ZSWIM6: variants seen among roughly 807,000 people sequenced by gnomAD.
ZSWIM6 encodes the protein zinc finger SWIM-type containing 6, also known as zinc finger SWIM domain-containing protein 6.
ZSWIM6 carries 9 observed loss-of-function variants against 113.2 expected under a neutral mutation model. That is an observed-to-expected ratio of 0.08 (90% CI 0.05 to 0.14). The LOEUF is 0.14. Ranked by LOEUF, ZSWIM6 falls within the 10% of genes least tolerant of loss-of-function variation. ZSWIM6 has a pLI of 1.00. For synonymous variants in ZSWIM6, 611 were observed against 606.5 expected (o/e 1.01, Z -0.11); for missense variants, 1,162 against 1,552.2 (o/e 0.75, Z 4.22).
intron 1 of ZSWIM6, among the ~76,000 whole-genome samples, chr5:61,412,681 T>C (rs939999774): frequency 1.2e-4 from 18 of 152,230 alleles, no homozygotes; most frequent in African/African-American, 4.1e-4. Context: ...TTAATCTCTG[T>C]ATTGGTTCCT....
intron 4 of ZSWIM6, among the ~76,000 whole-genome samples, chr5:61,509,081 G>A (rs534502746): frequency 7.0e-4 from 106 of 152,190 alleles, no homozygotes; most frequent in African/African-American, 2.5e-3. Flanking sequence ...ATATGATGAT[G>A]TGTAAGACTG....
At chr5:61,378,809 G>A (rs924966696) in intron 1 of ZSWIM6, among the ~76,000 whole-genome samples, 2 of 152,080 alleles carry the variant, frequency 1.3e-5, no homozygotes, top group Non-Finnish European at 2.9e-5. Context: ...GCCCACCTCG[G>A]CCTCCCAAAC....
intron 1 of ZSWIM6, chr5:61,390,820 GCA>G: frequency 1.3e-6 from 1 of 798,900 alleles, no homozygotes; most frequent in Admixed American, 1.7e-5. Flanking sequence ...CGTTTGGTTG[GCA>G]CTGGCAAGGA....
chr5:61,423,019 T>C (rs1746385639), intron 1 of ZSWIM6, among the ~76,000 whole-genome samples: 1 of 152,206 alleles, frequency 6.6e-6, no homozygotes. Context: ...CTTCTTCCTT[T>C]CCACTTTGGA....
intron 1 of ZSWIM6, among the ~76,000 whole-genome samples, chr5:61,395,396 A>G (rs1175222997): frequency 6.6e-6 from 1 of 152,124 alleles, no homozygotes. Context: ...TGCAAAAAAA[A>G]GGCCATTTGC....
Position 61,332,841 on chromosome 5 carries a change from C to A in ZSWIM6, c.569C>A (p.Ser190Ter). The A allele has an allele frequency of 1.9e-6, 2 of 1,052,422 alleles. No homozygotes were observed. Among genetic ancestry groups the A allele is most frequent in the South Asian group, 7.6e-5 (2 of 26,366 alleles). 65.2% of individuals were successfully genotyped at this position (1,052,422 alleles called of 1,614,324 possible). Residue 190 changes from serine to a stop codon, truncating the protein, a stop_gained, in exon 1 of 14, where the codon TCG becomes TAG. Transcript: ENST00000252744. LOFTEE classifies it high-confidence loss of function. ...GCCGCCGCGGGGGCCGGGGCCCCGT[C>A]GGTGGGGGCTGCCGGGGCGGCGGAC... is the stretch of plus-strand genomic sequence containing the variant. ...AAAAAGAGAPSVGAAGAADGG... is the reference protein window; with the variant it reads ...AAAAAGAGAP
At chr5:61,367,271 A>C (rs1412154902) in intron 1 of ZSWIM6, among the ~76,000 whole-genome samples, 1 of 151,646 alleles carries the variant, frequency 6.6e-6, no homozygotes, top group Non-Finnish European at 1.5e-5. Context: ...CTTTTTTTTT[A>C]ATTGGGACAG....
Position 61,332,518 on chromosome 5 carries a change from G to C in ZSWIM6, c.246G>C (p.Ala82=). Residue 82 remains alanine (A), a synonymous_variant, in exon 1 of 14, where the codon GCG becomes GCC. Transcript: ENST00000252744. ...QSPESLLDIA[A]RRVAEKWPFQ... ...CCGAGTCGCTGCTGGACATCGCGGC[G>C]CGCAGGGTGGCGGAGAAGTGGCCGT... 1 of 1,324,956 alleles carries C rather than the reference G, an allele frequency of 7.5e-7. No homozygotes were observed. Among genetic ancestry groups the C allele is most frequent in the Non-Finnish European group, 9.9e-7 (1 of 1,009,038 alleles). 82.1% of individuals were successfully genotyped at this position (1,324,956 alleles called of 1,614,324 possible). A position where few individuals can be genotyped will look rare whatever the true frequency, so the allele number is the denominator to read the frequency against.
intron 1 of ZSWIM6, among the ~76,000 whole-genome samples, chr5:61,407,413 T>C (rs1299870447): frequency 6.6e-6 from 1 of 152,182 alleles, no homozygotes; most frequent in African/African-American, 2.4e-5. Flanking sequence ...GTGATAATAG[T>C]AACCAAGAAC....
At chr5:61,352,097 T>C (rs1357472436) in intron 1 of ZSWIM6, among the ~76,000 whole-genome samples, 1 of 152,186 alleles carries the variant, frequency 6.6e-6, no homozygotes, top group Non-Finnish European at 1.5e-5. Flanking sequence ...CACAATGTCC[T>C]CTCCTGCCTT....
chr5:61,544,355 A>C lies in ZSWIM6; in HGVS notation c.*38A>C. 2.1e-6 allele frequency: 1 copy of C among 474,444 alleles called. No individual in the cohort carries two copies. Among genetic ancestry groups the C allele is most frequent in the Non-Finnish European group, 4.0e-6 (1 of 250,614 alleles). 29.4% of individuals were successfully genotyped at this position (474,444 alleles called of 1,614,324 possible). A position where few individuals can be genotyped will look rare whatever the true frequency, so the allele number is the denominator to read the frequency against. On this transcript the variant is annotated 3_prime_UTR_variant, in exon 14 of 14. Coordinates refer to ENST00000252744, the MANE Select transcript of ZSWIM6 (RefSeq NM_020928.2). The stretch of plus-strand genomic sequence containing the variant: ...GAATGGGGTGGGGGGTGGGGATGGG[A>C]GGGATGGTTTGTTTTTACTTGAGCC...
intron 1 of ZSWIM6, among the ~76,000 whole-genome samples, chr5:61,453,494 C>T (rs1747132377): frequency 1.3e-5 from 2 of 151,508 alleles, no homozygotes; most frequent in African/African-American, 4.9e-5. Flanking sequence ...TCCACCTCAA[C>T]CTCCCAAGTA....
At chr5:61,464,435 G>GT (rs1333957096) in intron 1 of ZSWIM6, among the ~76,000 whole-genome samples, 1 of 152,066 alleles carries the variant, frequency 6.6e-6, no homozygotes, top group East Asian at 1.9e-4. Context: ...AATCCAGAGT[G>GT]TGTTCTACCA....
intron 2 of ZSWIM6, among the ~76,000 whole-genome samples, chr5:61,489,550 A>G (rs1748124950): frequency 6.6e-6 from 1 of 152,126 alleles, no homozygotes; most frequent in African/African-American, 2.4e-5. Context: ...GGACACTTGC[A>G]TCAAATTTTT....
At chr5:61,398,019 G>A (rs1745875989) in intron 1 of ZSWIM6, among the ~76,000 whole-genome samples, 1 of 152,172 alleles carries the variant, frequency 6.6e-6, no homozygotes, top group Non-Finnish European at 1.5e-5. Flanking sequence ...AATCTCAATA[G>A]TATTTCAGAG....
intron 1 of ZSWIM6, among the ~76,000 whole-genome samples, chr5:61,460,641 G>C (rs1747303731): frequency 6.6e-6 from 1 of 152,104 alleles, no homozygotes; most frequent in South Asian, 2.1e-4. Context: ...CAATAATGCA[G>C]TGACTTCTCA....
At chr5:61,412,583 G>A (rs1321299842) in intron 1 of ZSWIM6, among the ~76,000 whole-genome samples, 1 of 152,118 alleles carries the variant, frequency 6.6e-6, no homozygotes, top group Non-Finnish European at 1.5e-5. Context: ...GCGTTGAGAT[G>A]GAATTGAAGA....
At chr5:61,425,140 A>G (rs1384620783) in intron 1 of ZSWIM6, among the ~76,000 whole-genome samples, 3 of 152,234 alleles carry the variant, frequency 2.0e-5, no homozygotes, top group Non-Finnish European at 4.4e-5. Flanking sequence ...ATCAAAACCA[A>G]GACCATTGAT....
intron 11 of ZSWIM6, 22 bp from the exon 12 acceptor site, chr5:61,539,574 G>A: frequency 6.5e-7 from 1 of 1,542,708 alleles, no homozygotes; most frequent in Non-Finnish European, 8.8e-7. Context: ...GGTTTGGTTT[G>A]GTTTTCCCTT....
Sources: allele counts gnomAD v4.1 joint callset (sites outside exome capture counted in the v4.1 genomes callset), GRCh38; gene constraint gnomAD v4.1.1; transcripts MANE v1.5; gene names NCBI Gene and HGNC (gene_info 2026-07-23, HGNC 2026-07-21).